FRMPD4: variants seen among roughly 807,000 people sequenced by gnomAD.
FRMPD4 encodes FERM and PDZ domain containing 4.
Under a neutral mutation model 94.1 loss-of-function variants are expected in FRMPD4, and 22 were observed. That is an observed-to-expected ratio of 0.23 (90% CI 0.17 to 0.33). The LOEUF (loss-of-function observed/expected upper bound fraction) is 0.33, where lower values mean the gene tolerates loss of function less well. FRMPD4 is among the 10% of genes least tolerant of loss of function. FRMPD4 has a pLI of 1.00. For missense variants in FRMPD4, 1,111 were observed against 1,339.9 expected (o/e 0.83, Z 2.67); for synonymous variants, 631 against 548.6 (o/e 1.15, Z -2.10).
At chrX:12,515,347 T>G (rs1274735761) in intron 2 of FRMPD4, among the ~76,000 whole-genome samples, 1 of 111,880 alleles carries the variant, frequency 8.9e-6, no homozygotes, top group Non-Finnish European at 1.9e-5. Context: ...AATTTCCCAC[T>G]TAACACTGCT....
At chrX:12,625,942 T>C (rs751311083) in intron 4 of FRMPD4, among the ~76,000 whole-genome samples, 1 of 112,003 alleles carries the variant, frequency 8.9e-6, no homozygotes, top group South Asian at 3.7e-4. Flanking sequence ...AAAAAAAGTT[T>C]ATTAAAAAAT....
chrX:12,505,456 G>A (rs1243105510), intron 2 of FRMPD4, among the ~76,000 whole-genome samples: 1 of 110,970 alleles, frequency 9.0e-6, no homozygotes, highest in East Asian at 2.8e-4. Flanking sequence ...GGCCAGGAGC[G>A]ATGTCTCACA....
intron 3 of FRMPD4, among the ~76,000 whole-genome samples, chrX:11,949,224 T>C (rs1448039963): frequency 8.9e-6 from 1 of 111,769 alleles, no homozygotes; most frequent in Non-Finnish European, 1.9e-5. Flanking sequence ...ATTGGCTCAG[T>C]GTGGATTTAG....
chrX:12,502,682 C>G (rs1385541333), intron 2 of FRMPD4, among the ~76,000 whole-genome samples: 1 of 111,764 alleles, frequency 8.9e-6, no homozygotes, highest in Non-Finnish European at 1.9e-5. Flanking sequence ...TGTGGACATA[C>G]ATATAGATGA....
intron 3 of FRMPD4, among the ~76,000 whole-genome samples, chrX:12,080,500 G>C (rs1010943521): frequency 1.8e-5 from 2 of 112,123 alleles, no homozygotes; most frequent in African/African-American, 3.2e-5. Context: ...CAAATTTTAA[G>C]TGAGGAGAAA....
intron 2 of FRMPD4, among the ~76,000 whole-genome samples, chrX:12,512,182 A>G (rs2058050062): frequency 8.9e-6 from 1 of 112,732 alleles, no homozygotes; most frequent in South Asian, 3.7e-4. Flanking sequence ...TTTAAGGCAC[A>G]ATGTTATTGC....
rs1451986725 is a variant in FRMPD4 at position 11,941,185 on chromosome X, G to C, written c.95+63167G>C. ...GCACACACACTGGCCTGCGCCCACT[G>C]TCTGGCACTCCCTAGTGAGATGAAC... On this transcript the variant is annotated intron_variant, in intron 3 of 18. Coordinates refer to the FRMPD4 transcript ENST00000640291. 5.3e-5 allele frequency among the ~76,000 whole-genome samples: 3 copies of C among 56,628 alleles called. 1 individual carries two copies. The allele number at this position is 56,628 out of a possible 115,157, so 49.2% of individuals were successfully genotyped here.
intron 1 of FRMPD4, among the ~76,000 whole-genome samples, chrX:12,376,869 G>T (rs1268853372): frequency 1.8e-5 from 2 of 112,552 alleles, no homozygotes; most frequent in Non-Finnish European, 3.7e-5. Context: ...TTGATCTGCA[G>T]AACTGAGCAG....
intron 3 of FRMPD4, among the ~76,000 whole-genome samples, chrX:12,031,798 A>G (rs760300597): frequency 8.9e-6 from 1 of 112,173 alleles, no homozygotes; most frequent in African/African-American, 3.2e-5. Context: ...CTGCTTTCTG[A>G]AACAGGGCCA....
chrX:12,538,323 G>A (rs1427473908), intron 2 of FRMPD4, among the ~76,000 whole-genome samples: 6 of 111,254 alleles, frequency 5.4e-5, no homozygotes, highest in African/African-American at 9.8e-5. Context: ...TAAATAAAGC[G>A]GCCAGGAAGC....
At chrX:12,163,419 A>G (rs1369066770) in intron 1 of FRMPD4, among the ~76,000 whole-genome samples, 1 of 96,580 alleles carries the variant, frequency 1.0e-5, no homozygotes, top group African/African-American at 3.8e-5. Context: ...CTTGATAGTC[A>G]TAATTTTTCC....
chrX:12,481,666 G>A (rs2148195586), intron 1 of FRMPD4, among the ~76,000 whole-genome samples: 1 of 109,682 alleles, frequency 9.1e-6, no homozygotes, highest in East Asian at 2.8e-4. Context: ...TTGGGGCCCG[G>A]CGCGGTGGCT....
intron 2 of FRMPD4, among the ~76,000 whole-genome samples, chrX:12,551,894 A>G (rs753082447): frequency 7.2e-5 from 8 of 111,436 alleles, no homozygotes; most frequent in Non-Finnish European, 1.5e-4. Context: ...TAATTCTATC[A>G]TTCCATTTTC....
intron 3 of FRMPD4, among the ~76,000 whole-genome samples, chrX:12,099,431 T>A (rs533230350): frequency 2.7e-5 from 3 of 112,173 alleles, no homozygotes; most frequent in African/African-American, 9.7e-5. Context: ...CTTTCCTCTT[T>A]GACAATACAT....
intron 3 of FRMPD4, among the ~76,000 whole-genome samples, chrX:11,979,120 C>T (rs1334985154): frequency 9.0e-6 from 1 of 111,244 alleles, no homozygotes; most frequent in Non-Finnish European, 1.9e-5. Context: ...TCCTTCATGC[C>T]ACTCCCCAAG....
chrX:12,562,424 A>G (rs1019201793), intron 2 of FRMPD4, among the ~76,000 whole-genome samples: 6 of 111,913 alleles, frequency 5.4e-5, no homozygotes, highest in African/African-American at 1.9e-4. Flanking sequence ...TTTATGGCCT[A>G]TTTCCCTCAT....
intron 1 of FRMPD4, among the ~76,000 whole-genome samples, chrX:12,384,626 G>C (rs2056372694): frequency 8.9e-6 from 1 of 112,300 alleles, no homozygotes; most frequent in African/African-American, 3.2e-5. Context: ...GAGATCAGGA[G>C]CTTTATCCAG....
At chrX:12,206,637 C>G (rs777804353) in intron 1 of FRMPD4, among the ~76,000 whole-genome samples, 2 of 112,049 alleles carry the variant, frequency 1.8e-5, no homozygotes, top group African/African-American at 6.5e-5. Flanking sequence ...TGCAGCAGTG[C>G]TAACAGAGGC....
At chrX:11,981,650 G>T (rs951768156) in intron 3 of FRMPD4, among the ~76,000 whole-genome samples, 17 of 111,290 alleles carry the variant, frequency 1.5e-4, no homozygotes, top group Admixed American at 2.9e-4. Context: ...AGCAAGTACG[G>T]TCTATCATAT....
Sources: gnomAD v4.1 joint callset for allele counts (sites outside exome capture counted in the v4.1 genomes callset) on GRCh38, gnomAD v4.1.1 for gene constraint, MANE v1.5 for transcripts, NCBI Gene and HGNC (gene_info 2026-07-23, HGNC 2026-07-21) for gene names.